Variants in CACNA2D3 observed in about 807,000 individuals in gnomAD.
CACNA2D3 encodes calcium voltage-gated channel auxiliary subunit alpha2delta 3, also known as voltage-dependent calcium channel subunit alpha-2/delta-3.
A neutral mutation model predicts 160.6 loss-of-function variants in CACNA2D3; 60 were observed. The observed-to-expected ratio is 0.37, with a 90% CI of 0.30 to 0.46. The LOEUF is 0.46. Ranked by LOEUF, CACNA2D3 falls within the 20% of genes least tolerant of loss-of-function variation. The probability of loss-of-function intolerance (pLI) is 1.00; values close to 1 mark genes in which losing one functional copy is unlikely to be tolerated. For synonymous variants in CACNA2D3, 558 were observed against 492.9 expected (o/e 1.13, Z -1.75); for missense variants, 1,205 against 1,365.0 (o/e 0.88, Z 1.85).
At chr3:54,568,110 G>C (rs1183492715) in intron 6 of CACNA2D3, among the ~76,000 whole-genome samples, 8 of 152,170 alleles carry the variant, frequency 5.3e-5, no homozygotes, top group African/African-American at 1.9e-4. Context: ...ATCAGTCTCT[G>C]TTCCTTTGGC....
Position 54,624,486 on chromosome 3 carries a change from G to C in CACNA2D3, c.964-3301G>C, listed in dbSNP as rs985109430. 5.3e-5 allele frequency among the ~76,000 whole-genome samples: 8 copies of C among 152,160 alleles called. No individual in the cohort carries two copies. In the East Asian group the frequency reaches 5.8e-4, roughly 11 times the overall value. On this transcript the variant is annotated intron_variant, in intron 9 of 37. Transcript: ENST00000474759. ...AAATACAAAAAATTAGCCAGGCGTG[G>C]TGGCGGGCGCCTGTAGTCCCAGCTA...
chr3:54,575,268 C>T (rs188850394), intron 8 of CACNA2D3, among the ~76,000 whole-genome samples: 2 of 152,328 alleles, frequency 1.3e-5, no homozygotes, highest in East Asian at 3.9e-4. Flanking sequence ...TCTTGTATTA[C>T]ATGAGCATGG....
chr3:54,841,260 G>A (rs1053770615), intron 16 of CACNA2D3, among the ~76,000 whole-genome samples: 15 of 152,322 alleles, frequency 9.8e-5, no homozygotes, highest in African/African-American at 3.1e-4. Context: ...ACTTAAGGAT[G>A]CTTGAAATAA....
intron 11 of CACNA2D3, among the ~76,000 whole-genome samples, chr3:54,644,052 A>C (rs1331848454): frequency 6.6e-6 from 1 of 152,136 alleles, no homozygotes; most frequent in African/African-American, 2.4e-5. Flanking sequence ...AATCTTTCCC[A>C]CTTGGTGACA....
chr3:54,757,345 T>C (rs1037429769), intron 12 of CACNA2D3, among the ~76,000 whole-genome samples: 1 of 152,162 alleles, frequency 6.6e-6, no homozygotes, highest in African/African-American at 2.4e-5. Flanking sequence ...TCTCTCCTTA[T>C]CTGAAAGAGA....
chr3:54,320,484 G>A lies in CACNA2D3; in HGVS notation c.247G>A (p.Asp83Asn), dbSNP rs1575393085. ...GAAAGACGTTGCCATAGAAGAAATT[G>A]ATGGCCTCCAACTGGTAAAGAAGCT... ...YEKDVAIEEI[D>N]GLQLVKKLAK... The change falls in exon 3 of 38, where the codon GAT becomes AAT. Residue 83 changes from aspartate (D) to asparagine (N), a missense_variant. By Grantham distance (23) the Asp-to-Asn change is conservative (BLOSUM62 1). Coordinates refer to ENST00000474759, the MANE Select transcript of CACNA2D3 (RefSeq NM_018398.3). 2 of 1,566,758 alleles carry A rather than the reference G, an allele frequency of 1.3e-6. No homozygotes were observed. The highest frequency in any genetic ancestry group is 8.7e-7 in the Non-Finnish European group (1 of 1,155,032).
At chr3:54,143,917 A>G (rs545876968) in intron 2 of CACNA2D3, among the ~76,000 whole-genome samples, 1 of 152,360 alleles carries the variant, frequency 6.6e-6, no homozygotes, top group South Asian at 2.1e-4. Flanking sequence ...CAGCTATGTT[A>G]TAATGGGAAG....
intron 4 of CACNA2D3, among the ~76,000 whole-genome samples, chr3:54,432,994 A>G (rs529840300): frequency 7.9e-4 from 121 of 152,308 alleles, no homozygotes; most frequent in African/African-American, 2.7e-3. Flanking sequence ...AAAAAATTCA[A>G]AAGTTTTAAA....
At chr3:54,525,357 G>A (rs896539853) in intron 5 of CACNA2D3, among the ~76,000 whole-genome samples, 2 of 152,014 alleles carry the variant, frequency 1.3e-5, no homozygotes, top group African/African-American at 2.4e-5. Flanking sequence ...AATTAAGAAA[G>A]GTGAAGACAT....
At chr3:54,672,892 G>A (rs1039532634) in intron 11 of CACNA2D3, among the ~76,000 whole-genome samples, 1 of 152,188 alleles carries the variant, frequency 6.6e-6, no homozygotes, top group African/African-American at 2.4e-5. Flanking sequence ...TGATACCAAT[G>A]ACAACGATTG....
chr3:54,586,799 C>A (rs1575362677), intron 9 of CACNA2D3, among the ~76,000 whole-genome samples: 1 of 151,954 alleles, frequency 6.6e-6, no homozygotes, highest in East Asian at 1.9e-4. Context: ...AAAATTAAAT[C>A]TTTAAAATTG....
intron 2 of CACNA2D3, among the ~76,000 whole-genome samples, chr3:54,181,992 T>C (rs886123471): frequency 6.6e-6 from 1 of 152,204 alleles, no homozygotes; most frequent in African/African-American, 2.4e-5. Flanking sequence ...TTTGATACTT[T>C]TAATAATCTA....
chr3:54,818,253 C>T (rs962461478), intron 14 of CACNA2D3, among the ~76,000 whole-genome samples: 10 of 152,310 alleles, frequency 6.6e-5, no homozygotes, highest in African/African-American at 1.7e-4. Context: ...GCAACAATCT[C>T]GGCTCACGCA....
In CACNA2D3 at chr3:54,642,208, A is replaced by C. The variant is rs377615836; in HGVS notation, c.1134A>C (p.Thr378=). 1.2e-6 allele frequency: 2 copies of C among 1,612,614 alleles called. No individual in the cohort carries two copies. Among genetic ancestry groups the C allele is most frequent in the Non-Finnish European group, 8.5e-7 (1 of 1,179,302 alleles). ...ATGGGGCGGTGGACACCTATGATAC[A>C]ATCTTTGCAAAATACAATTGGCCAG... is the stretch of plus-strand genomic sequence containing the variant. ...ITDGAVDTYD[T]IFAKYNWPDR... The change falls in exon 11 of 38, where the codon ACA becomes ACC. Residue 378 remains threonine (T), a synonymous_variant. Coordinates refer to ENST00000474759, the MANE Select transcript of CACNA2D3 (RefSeq NM_018398.3).
chr3:54,636,939 A>G (rs1280400697), intron 10 of CACNA2D3, among the ~76,000 whole-genome samples: 1 of 151,982 alleles, frequency 6.6e-6, no homozygotes, highest in African/African-American at 2.4e-5. Flanking sequence ...GGCTGGGATG[A>G]AGGGTGCAAA....
chr3:54,460,856 T>G (rs1700490377), intron 4 of CACNA2D3, among the ~76,000 whole-genome samples: 1 of 152,170 alleles, frequency 6.6e-6, no homozygotes, highest in Non-Finnish European at 1.5e-5. Context: ...CTTGTGCCAG[T>G]TTTCAAAGGG....
intron 13 of CACNA2D3, among the ~76,000 whole-genome samples, chr3:54,814,909 A>G (rs1421030532): frequency 6.6e-6 from 1 of 152,232 alleles, no homozygotes; most frequent in African/African-American, 2.4e-5. Context: ...TTTGCAGTCC[A>G]TCAAACATTT....
chr3:54,801,146 C>G (rs527456351), intron 13 of CACNA2D3, among the ~76,000 whole-genome samples: 1 of 152,024 alleles, frequency 6.6e-6, no homozygotes, highest in Non-Finnish European at 1.5e-5. Flanking sequence ...AGCACCACGC[C>G]TGGCTAATTT....
chr3:54,533,511 T>G (rs1305673196), intron 5 of CACNA2D3, among the ~76,000 whole-genome samples: 2 of 151,980 alleles, frequency 1.3e-5, no homozygotes, highest in Non-Finnish European at 2.9e-5. Flanking sequence ...ATTTTTGTAT[T>G]TTTAATAGCG....
Sources: gnomAD v4.1 joint callset for allele counts (sites outside exome capture counted in the v4.1 genomes callset) on GRCh38, gnomAD v4.1.1 for gene constraint, MANE v1.5 for transcripts, NCBI Gene and HGNC (gene_info 2026-07-23, HGNC 2026-07-21) for gene names.